The following INTS6 variants were observed in gnomAD, a reference collection of about 807,000 sequenced individuals.
INTS6 encodes integrator complex subunit 6, also known as DEAD box protein.
Under a neutral mutation model 104.9 loss-of-function variants are expected in INTS6, and 16 were observed. The observed-to-expected ratio is 0.15, with a 90% CI of 0.10 to 0.23. The LOEUF is 0.23. Ranked by LOEUF, INTS6 falls within the 10% of genes least tolerant of loss-of-function variation. The probability of loss-of-function intolerance (pLI) is 1.00; values close to 1 mark genes in which losing one functional copy is unlikely to be tolerated. For missense variants in INTS6, 584 were observed against 1,062.8 expected, an observed-to-expected ratio of 0.55 and a Z score of 6.26; for synonymous variants, 324 against 358.7, an observed-to-expected ratio of 0.90 and a Z score of 1.09.
At chr13:51,451,734 G>A (rs996553001) in intron 2 of INTS6, among the ~76,000 whole-genome samples, 3 of 150,050 alleles carry the variant, frequency 2.0e-5, no homozygotes, top group Admixed American at 2.0e-4. Flanking sequence ...CGCCGCCGCC[G>A]CCGCCGCCGC....
intron 5 of INTS6, among the ~76,000 whole-genome samples, chr13:51,390,354 A>G (rs1452027584): frequency 1.3e-5 from 2 of 151,984 alleles, no homozygotes; most frequent in Non-Finnish European, 2.9e-5. Context: ...CTGAAGTAAT[A>G]AGGATATATT....
chr13:51,384,881 G>A (rs1956111699), intron 7 of INTS6: 2 of 350,042 alleles, frequency 5.7e-6, no homozygotes, highest in Admixed American at 3.9e-5. Context: ...GATTAGACTA[G>A]TACAAATGCT....
chr13:51,393,895 T>C (rs1265764181), intron 5 of INTS6, among the ~76,000 whole-genome samples: 4 of 152,162 alleles, frequency 2.6e-5, no homozygotes, highest in Admixed American at 6.5e-5. Flanking sequence ...ACAAAAGTTA[T>C]AGTATATTTA....
chr13:51,451,956 G>C lies in INTS6; in HGVS notation c.189+22C>G, dbSNP rs767738909. 3.8e-6 allele frequency: 6 copies of C among 1,591,542 alleles called. No homozygotes were observed. The South Asian group carries it at 4.4e-5, about 12-fold the overall frequency. The stretch of plus-strand genomic sequence containing the variant: ...GGAACAGGGAAGGGAAGGGAGGAAA[G>C]GGGGAGGGCGAGGGCTGTTACCTTG... On this transcript the variant is annotated intron_variant, in intron 2 of 17. Coordinates refer to ENST00000311234, the MANE Select transcript of INTS6 (RefSeq NM_012141.3).
the INTS6 span, among the ~76,000 whole-genome samples, chr13:51,334,622 C>G: frequency 6.6e-6 from 1 of 152,066 alleles, no homozygotes; most frequent in Non-Finnish European, 1.5e-5. Context: ...AATTAATAAA[C>G]GTTTTTGAAA....
At chr13:51,441,268 C>T (rs1952792357) in intron 3 of INTS6, 1 of 151,946 alleles carries the variant, frequency 6.6e-6, no homozygotes, top group South Asian at 2.1e-4. Flanking sequence ...CTCTAGTACC[C>T]CATAATTTCA....
intron 15 of INTS6, 21 bp from the exon 16 acceptor site, chr13:51,369,331 A>G: frequency 6.3e-7 from 1 of 1,578,916 alleles, no homozygotes; most frequent in East Asian, 2.2e-5. Context: ...AGATACGGGG[A>G]AAAAATTATG....
chr13:51,399,529 T>C (rs998672972), intron 4 of INTS6, among the ~76,000 whole-genome samples: 1 of 152,252 alleles, frequency 6.6e-6, no homozygotes, highest in African/African-American at 2.4e-5. Flanking sequence ...CTGTTGAGTA[T>C]ATACCTAGTT....
At chr13:51,437,119 A>G (rs571213314) in intron 3 of INTS6, 10 of 152,336 alleles carry the variant, frequency 6.6e-5, no homozygotes, top group Admixed American at 5.2e-4. Flanking sequence ...AAAACATGTT[A>G]GAAATATGTT....
the INTS6 span, among the ~76,000 whole-genome samples, chr13:51,336,181 G>A: frequency 6.6e-6 from 1 of 152,150 alleles, no homozygotes; most frequent in Non-Finnish European, 1.5e-5. Flanking sequence ...CCTATTTCTT[G>A]CAAGACATTT....
At chr13:51,441,461 A>C (rs532323585) in intron 3 of INTS6, 1 of 152,274 alleles carries the variant, frequency 6.6e-6, no homozygotes, top group South Asian at 2.1e-4. Flanking sequence ...TCACGAGTGG[A>C]ATGGAAATTC....
At chr13:51,394,206 T>TA (rs1294375884) in intron 5 of INTS6, among the ~76,000 whole-genome samples, 3 of 151,930 alleles carry the variant, frequency 2.0e-5, no homozygotes, top group Admixed American at 6.6e-5. Flanking sequence ...AGGTTATCCC[T>TA]AAAAAAAATT....
intron 5 of INTS6, among the ~76,000 whole-genome samples, chr13:51,389,824 C>T (rs1280674666): frequency 6.6e-6 from 1 of 151,998 alleles, no homozygotes; most frequent in Non-Finnish European, 1.5e-5. Flanking sequence ...AACACATATA[C>T]ACACACACAT....
chr13:51,364,063 G>A lies in INTS6; in HGVS notation c.*1689C>T. ...ATTTAGGAACAGACAATATATTCTG[G>A]ATTTTGTGTAACTCTCAATGAATTT... On this transcript the variant is annotated 3_prime_UTR_variant, in exon 18 of 18. Transcript: ENST00000311234. The A allele has an allele frequency of 2.6e-6, 1 of 388,490 alleles. No individual in the cohort carries two copies. The highest frequency in any genetic ancestry group is 3.8e-5 in the East Asian group (1 of 26,448). 24.1% of individuals were successfully genotyped at this position (388,490 alleles called of 1,614,324 possible).
At chr13:51,357,471 G>T (rs1232323078), downstream of INTS6, among the ~76,000 whole-genome samples, 1 of 152,072 alleles carries the variant, frequency 6.6e-6, no homozygotes, top group Non-Finnish European at 1.5e-5. Flanking sequence ...AAGCAGTTTT[G>T]TACTACTGAT....
At chr13:51,399,188 T>C (rs1956391427) in intron 4 of INTS6, among the ~76,000 whole-genome samples, 1 of 151,714 alleles carries the variant, frequency 6.6e-6, no homozygotes, top group Non-Finnish European at 1.5e-5. Context: ...TATTGCCATA[T>C]TGTTTATCTG....
At chr13:51,336,436 G>A in the INTS6 span, among the ~76,000 whole-genome samples, 2 of 152,156 alleles carry the variant, frequency 1.3e-5, no homozygotes, top group Non-Finnish European at 2.9e-5. Flanking sequence ...GCAGTGAGCC[G>A]AGGTCGTGCC....
Position 51,374,738 on chromosome 13 carries a change from T to C in INTS6, c.1788A>G (p.Gln596=), listed in dbSNP as rs1305587081. The change falls in exon 14 of 18, where the codon CAA becomes CAG. Residue 596 remains glutamine, a synonymous_variant. Transcript: ENST00000311234. ...QMGNYQEYLK[Q]VPSPLRELDP... The stretch of plus-strand genomic sequence containing the variant: ...CAAGTTCTCTTAGTGGAGAAGGTAC[T>C]TGCTTGAGGTATTCCTGGTAGTTCC... 1.2e-6 allele frequency: 2 copies of C among 1,613,606 alleles called. No homozygotes were observed. Among genetic ancestry groups the C allele is most frequent in the East Asian group, 4.5e-5 (2 of 44,838 alleles).
intron 5 of INTS6, among the ~76,000 whole-genome samples, chr13:51,390,336 ATC>A (rs1956223107): frequency 6.6e-6 from 1 of 151,868 alleles, no homozygotes; most frequent in Non-Finnish European, 1.5e-5. Flanking sequence ...TAAAATATCA[ATC>A]TCACACTGAA....
Sources: allele counts gnomAD v4.1 joint callset (sites outside exome capture counted in the v4.1 genomes callset), GRCh38; gene constraint gnomAD v4.1.1; transcripts MANE v1.5; gene names NCBI Gene and HGNC (gene_info 2026-07-23, HGNC 2026-07-21).